The following SLC39A11 variants were observed in gnomAD, a reference collection of about 807,000 sequenced individuals.
SLC39A11 encodes the protein zinc transporter ZIP11.
Under a neutral mutation model 36.1 loss-of-function variants are expected in SLC39A11, and 33 were observed. The ratio of observed to expected loss-of-function variants is 0.91; its 90% CI spans 0.69 to 1.22. The LOEUF (loss-of-function observed/expected upper bound fraction) is 1.22, where lower values mean the gene tolerates loss of function less well. Ranked by LOEUF, SLC39A11 falls within the 50% of genes most tolerant of loss-of-function variation. The probability of loss-of-function intolerance (pLI) is 0.00; values close to 1 mark genes in which losing one functional copy is unlikely to be tolerated. For synonymous variants in SLC39A11, 166 were observed against 170.3 expected (o/e 0.97, Z 0.20); for missense variants, 432 against 430.3 (o/e 1.00, Z -0.03).
chr17:72,738,130 G>A (rs543266724), intron 6 of SLC39A11, among the ~76,000 whole-genome samples: 18 of 152,058 alleles, frequency 1.2e-4, no homozygotes, highest in African/African-American at 3.6e-4. Context: ...TCAGCCTCCC[G>A]AGTAGCTGGG....
At chr17:73,039,194 C>A (rs183771241) in intron 3 of SLC39A11, among the ~76,000 whole-genome samples, 49 of 152,228 alleles carry the variant, frequency 3.2e-4, no homozygotes, top group African/African-American at 1.1e-3. Flanking sequence ...ACCACCCCAA[C>A]CCGATTCCCA....
intron 5 of SLC39A11, among the ~76,000 whole-genome samples, chr17:72,934,450 G>A (rs1362727867): frequency 6.6e-6 from 1 of 152,172 alleles, no homozygotes; most frequent in Non-Finnish European, 1.5e-5. Flanking sequence ...TGGATCACCT[G>A]AGGTCAGGAG....
At chr17:72,830,845 CCT>C (rs2078255942) in intron 6 of SLC39A11, among the ~76,000 whole-genome samples, 1 of 152,140 alleles carries the variant, frequency 6.6e-6, no homozygotes, top group Non-Finnish European at 1.5e-5. Flanking sequence ...GGCTTATTCC[CCT>C]GTCGGCTCCA....
rs138714314 is a variant in SLC39A11 at position 72,864,337 on chromosome 17, C to T, written c.431-14533G>A. On this transcript the variant is annotated intron_variant, in intron 5 of 9. Coordinates refer to ENST00000255559, the MANE Select transcript of SLC39A11 (RefSeq NM_139177.4). The stretch of plus-strand genomic sequence containing the variant: ...TTTTTTTTTTTTTTTCCTAGCAACC[C>T]GGGGAATTCTGATCTTGTCTAGAGC... Among the ~76,000 whole-genome samples the T allele has an allele frequency of 1.8e-3, 272 of 150,338 alleles. 2 individuals carry two copies. Among genetic ancestry groups the T allele is most frequent in the African/African-American group, 6.2e-3 (255 of 40,834 alleles).
At chr17:72,860,033 A>AGGGGG (rs2079886190) in intron 5 of SLC39A11, among the ~76,000 whole-genome samples, 2 of 95,928 alleles carry the variant, frequency 2.1e-5, no homozygotes, top group Non-Finnish European at 4.3e-5. Flanking sequence ...AGGGGAGGGG[A>AGGGGG]GGGGAGGGGA....
chr17:72,759,026 G>A (rs1450227644), intron 6 of SLC39A11, among the ~76,000 whole-genome samples: 5 of 152,110 alleles, frequency 3.3e-5, no homozygotes, highest in South Asian at 2.1e-4. Flanking sequence ...TCTTGAACCC[G>A]GGAGGCGGAG....
chr17:72,900,981 AAAAAAAAAACACG>A (rs1230061045), intron 5 of SLC39A11, among the ~76,000 whole-genome samples: 10 of 40,198 alleles, frequency 2.5e-4, no homozygotes, highest in Admixed American at 8.1e-4. Flanking sequence ...AACAAACAAC[AAAAAAAAAACACG>A]AAAAAAAAAC....
At chr17:72,927,690 C>A (rs1046431819) in intron 5 of SLC39A11, among the ~76,000 whole-genome samples, 3 of 152,164 alleles carry the variant, frequency 2.0e-5, no homozygotes, top group African/African-American at 7.2e-5. Context: ...AATTACCTTT[C>A]ATTTTCCCAT....
intron 7 of SLC39A11, among the ~76,000 whole-genome samples, chr17:72,662,385 A>G (rs924021314): frequency 2.6e-5 from 4 of 151,146 alleles, no homozygotes; most frequent in African/African-American, 9.7e-5. Context: ...AAGAAAAGAA[A>G]GAAAAGGAAA....
chr17:72,915,746 C>A (rs372102907), intron 5 of SLC39A11, among the ~76,000 whole-genome samples: 1 of 152,240 alleles, frequency 6.6e-6, no homozygotes, highest in Non-Finnish European at 1.5e-5. Flanking sequence ...GATGGTCCCA[C>A]GCCTCGTCAG....
At chr17:73,061,866 C>T (rs1176583530) in intron 3 of SLC39A11, among the ~76,000 whole-genome samples, 1 of 151,918 alleles carries the variant, frequency 6.6e-6, no homozygotes, top group Non-Finnish European at 1.5e-5. Flanking sequence ...TGTAGTGGCC[C>T]AAGCCTGTGG....
At chr17:72,924,165 T>A in intron 5 of SLC39A11, among the ~76,000 whole-genome samples, 1 of 148,500 alleles carries the variant, frequency 6.7e-6, no homozygotes, top group African/African-American at 2.5e-5. Context: ...AAAAAAAATT[T>A]TTTTTTTTTT....
intron 7 of SLC39A11, among the ~76,000 whole-genome samples, chr17:72,704,128 AAAC>A (rs1230823999): frequency 3.3e-5 from 5 of 151,918 alleles, no homozygotes; most frequent in Admixed American, 2.0e-4. Context: ...ACTCTTTCCA[AAAC>A]AACAACAACT....
intron 7 of SLC39A11, among the ~76,000 whole-genome samples, chr17:72,654,553 C>T (rs1598231570): frequency 6.6e-6 from 1 of 152,322 alleles, no homozygotes; most frequent in Admixed American, 6.5e-5. Flanking sequence ...GCCCCGCCTT[C>T]CCAGATAGAC....
intron 6 of SLC39A11, among the ~76,000 whole-genome samples, chr17:72,751,921 G>A (rs1229536695): frequency 3.3e-5 from 5 of 151,960 alleles, no homozygotes; most frequent in Non-Finnish European, 5.9e-5. Flanking sequence ...TCCACCCACT[G>A]AACCCAGATC....
chr17:73,063,401 T>C (rs955758852), intron 3 of SLC39A11, among the ~76,000 whole-genome samples: 5 of 152,242 alleles, frequency 3.3e-5, no homozygotes, highest in Non-Finnish European at 5.9e-5. Flanking sequence ...CTAATATAAT[T>C]AAATGCTGCA....
intron 4 of SLC39A11, among the ~76,000 whole-genome samples, chr17:73,005,543 T>A (rs1272006978): frequency 1.3e-5 from 2 of 152,240 alleles, no homozygotes; most frequent in African/African-American, 4.8e-5. Flanking sequence ...TGGGCTCTGC[T>A]GCAACAACAA....
intron 4 of SLC39A11, among the ~76,000 whole-genome samples, chr17:72,952,969 G>C (rs75630899): frequency 0.053 from 8,045 of 152,146 alleles, 287 homozygotes; most frequent in Admixed American, 0.083. Flanking sequence ...CAAATGTCAA[G>C]GTGTCAAATA....
At chr17:72,979,288 G>A (rs2088110907) in intron 4 of SLC39A11, among the ~76,000 whole-genome samples, 1 of 152,174 alleles carries the variant, frequency 6.6e-6, no homozygotes, top group Non-Finnish European at 1.5e-5. Flanking sequence ...AGAACTGTGA[G>A]TCAATTAAAC....
Sources: gnomAD v4.1 joint callset for allele counts (sites outside exome capture counted in the v4.1 genomes callset) on GRCh38, gnomAD v4.1.1 for gene constraint, MANE v1.5 for transcripts, NCBI Gene and HGNC (gene_info 2026-07-23, HGNC 2026-07-21) for gene names.